Variants in CSMD1 observed in about 807,000 individuals in gnomAD.
The protein encoded by CSMD1 is CUB and Sushi multiple domains 1, also known as CUB and sushi domain-containing protein 1.
CSMD1 carries 213 observed loss-of-function variants against 417.5 expected under a neutral mutation model. That is an observed-to-expected ratio of 0.51 (90% CI 0.46 to 0.57). CSMD1 has a LOEUF of 0.57. CSMD1 is among the 20% of genes least tolerant of loss of function. The pLI is 0.00. For synonymous variants in CSMD1, 2,862 were observed against 1,736.8 expected, an observed-to-expected ratio of 1.65 and a Z score of -16.11; for missense variants, 6,923 against 4,529.7, an observed-to-expected ratio of 1.53 and a Z score of -15.17.
intron 5 of CSMD1, among the ~76,000 whole-genome samples, chr8:3,932,194 C>T (rs188464906): frequency 1.3e-5 from 2 of 150,174 alleles, no homozygotes; most frequent in African/African-American, 4.9e-5. Flanking sequence ...ACTGTTTCAT[C>T]GATACTTTGG....
chr8:3,099,591 G>T (rs886615311), intron 46 of CSMD1, among the ~76,000 whole-genome samples: 1 of 152,164 alleles, frequency 6.6e-6, no homozygotes, highest in Non-Finnish European at 1.5e-5. Context: ...TTTTATAACT[G>T]CAGCTATAGT....
In CSMD1 at chr8:4,893,243, A is replaced by G. The variant is rs182607394; in HGVS notation, c.85+101089T>C. ...TCTGAATTTCTTCTTTTAATTGCCT[A>G]CTTAATATTTTTCCAATGTTTCTAA... On this transcript the variant is annotated intron_variant, in intron 1 of 69. Coordinates refer to ENST00000635120, the MANE Select transcript of CSMD1 (RefSeq NM_033225.6). Among the ~76,000 whole-genome samples, 87 of 152,224 alleles carry G rather than the reference A, an allele frequency of 5.7e-4. No individual in the cohort carries two copies. The Middle Eastern group carries it at 0.02, about 36-fold the overall frequency.
At chr8:3,681,188 G>C (rs1208181255) in intron 7 of CSMD1, among the ~76,000 whole-genome samples, 1 of 152,146 alleles carries the variant, frequency 6.6e-6, no homozygotes, top group Non-Finnish European at 1.5e-5. Context: ...GTTCTGGCCA[G>C]GGCAATTAGG....
chr8:4,909,426 C>G (rs546997275), intron 1 of CSMD1, among the ~76,000 whole-genome samples: 49 of 152,264 alleles, frequency 3.2e-4, no homozygotes, highest in Admixed American at 5.2e-4. Context: ...ACTAGCAAGA[C>G]AGGAAGGCTA....
chr8:4,483,972 T>G lies in CSMD1; in HGVS notation c.303-63907A>C, dbSNP rs74869607. 1.4e-3 allele frequency among the ~76,000 whole-genome samples: 209 copies of G among 152,270 alleles called. 5 individuals carry two copies. In the East Asian group the frequency reaches 0.037, roughly 27 times the overall value. Reference sequence around the variant, plus strand: ...GTCTCTCATTGACAGTCCTGCGTTTTCGGAGAGAGCACAGCCCTGGGAGAA... The same window carrying G: ...GTCTCTCATTGACAGTCCTGCGTTTGCGGAGAGAGCACAGCCCTGGGAGAA... On this transcript the variant is annotated intron_variant, in intron 2 of 69. Coordinates refer to ENST00000635120, the MANE Select transcript of CSMD1 (RefSeq NM_033225.6).
At chr8:3,409,341 G>A (rs76650298) in intron 13 of CSMD1, 82 bp downstream of exon 13, 75,548 of 1,292,606 alleles carry the variant, frequency 0.058, 2,576 homozygotes, top group East Asian at 0.16. Flanking sequence ...CCCTAAATGG[G>A]CGGTCTGTGT....
chr8:3,746,517 A>G (rs1038014654), intron 6 of CSMD1, among the ~76,000 whole-genome samples: 6 of 152,346 alleles, frequency 3.9e-5, no homozygotes, highest in African/African-American at 1.4e-4. Context: ...AAAATAAATC[A>G]ATACATAAAA....
chr8:4,715,747 T>C lies in CSMD1; in HGVS notation c.86-78189A>G, dbSNP rs1211950780. Among the ~76,000 whole-genome samples the C allele has an allele frequency of 2.0e-5, 3 of 152,104 alleles. No individual in the cohort carries two copies. In the East Asian group the frequency reaches 5.8e-4, roughly 29 times the overall value. On this transcript the variant is annotated intron_variant, in intron 1 of 69. Transcript: ENST00000635120. ...TCAGCCCCTCTCTTTCTCTCACACA[T>C]ATCCAACTTGTCAGCAAATTCTGTT...
chr8:4,741,980 C>T lies in CSMD1; in HGVS notation c.86-104422G>A, dbSNP rs189453143. On this transcript the variant is annotated intron_variant, in intron 1 of 69. Transcript: ENST00000635120. ...TCCAGAGAAGCTGGGACTATAGGTCCGCACGCACCACCACACCCACTTTTT... is the reference window on the plus strand; with the variant it reads ...TCCAGAGAAGCTGGGACTATAGGTCTGCACGCACCACCACACCCACTTTTT... Among the ~76,000 whole-genome samples, 878 of 130,770 alleles carry T rather than the reference C, an allele frequency of 6.7e-3. 10 individuals are homozygous for T. The highest frequency in any genetic ancestry group is 0.024 in the African/African-American group (830 of 34,316). 85.8% of individuals were successfully genotyped at this position (130,770 alleles called of 152,430 possible). A position where few individuals can be genotyped will look rare whatever the true frequency, so the allele number is the denominator to read the frequency against.
chr8:3,589,153 G>C (rs778273159), intron 8 of CSMD1, among the ~76,000 whole-genome samples: 4 of 152,104 alleles, frequency 2.6e-5, no homozygotes, highest in African/African-American at 9.7e-5. Context: ...ATGTAAATTA[G>C]CATACTCATT....
intron 3 of CSMD1, among the ~76,000 whole-genome samples, chr8:4,252,814 A>T (rs974714022): frequency 2.6e-5 from 4 of 152,222 alleles, no homozygotes; most frequent in African/African-American, 7.2e-5. Context: ...TCTCCATGCC[A>T]AGGATGCACC....
intron 1 of CSMD1, among the ~76,000 whole-genome samples, chr8:4,818,725 G>A (rs997755549): frequency 3.3e-5 from 5 of 152,160 alleles, no homozygotes; most frequent in African/African-American, 7.2e-5. Flanking sequence ...CACAGAAAGT[G>A]CAAATGCAAA....
chr8:4,246,751 A>G (rs892559205), intron 3 of CSMD1, among the ~76,000 whole-genome samples: 1 of 152,206 alleles, frequency 6.6e-6, no homozygotes, highest in African/African-American at 2.4e-5. Context: ...TTAAATAAAG[A>G]AAACAGGATC....
At chr8:3,697,344 A>G (rs1239659577) in intron 7 of CSMD1, among the ~76,000 whole-genome samples, 2 of 152,226 alleles carry the variant, frequency 1.3e-5, no homozygotes. Flanking sequence ...AAATAAAACC[A>G]GGCTTAAGAG....
intron 5 of CSMD1, among the ~76,000 whole-genome samples, chr8:3,911,462 A>G (rs1265997476): frequency 6.6e-6 from 1 of 151,398 alleles, no homozygotes; most frequent in Non-Finnish European, 1.5e-5. Context: ...CGCGAGGCGG[A>G]GCCTGCAGTG....
chr8:3,905,271 G>A (rs968319354), intron 5 of CSMD1, among the ~76,000 whole-genome samples: 3 of 152,148 alleles, frequency 2.0e-5, no homozygotes, highest in African/African-American at 7.2e-5. Flanking sequence ...TCATACAAGA[G>A]TTAGGGAAAA....
intron 3 of CSMD1, among the ~76,000 whole-genome samples, chr8:4,379,240 C>G (rs1222828056): frequency 1.3e-5 from 2 of 152,078 alleles, no homozygotes; most frequent in Non-Finnish European, 2.9e-5. Context: ...ATCAGAAAGC[C>G]TCAACATGTG....
At chr8:3,849,005 A>G (rs918825575) in intron 5 of CSMD1, among the ~76,000 whole-genome samples, 1 of 151,940 alleles carries the variant, frequency 6.6e-6, no homozygotes, top group East Asian at 1.9e-4. Context: ...GGACTTTCAT[A>G]CAGAAGGTTC....
At chr8:3,906,152 C>A (rs970479013) in intron 5 of CSMD1, among the ~76,000 whole-genome samples, 2 of 152,128 alleles carry the variant, frequency 1.3e-5, no homozygotes, top group Admixed American at 6.5e-5. Context: ...ACCAGGTAAG[C>A]ATCATACTAC....
Sources: gnomAD v4.1 joint callset for allele counts (sites outside exome capture counted in the v4.1 genomes callset) on GRCh38, gnomAD v4.1.1 for gene constraint, MANE v1.5 for transcripts, NCBI Gene and HGNC (gene_info 2026-07-23, HGNC 2026-07-21) for gene names.